FBXO11: variants seen among roughly 807,000 people sequenced by gnomAD.
FBXO11 encodes F-box only protein 11.
A neutral mutation model predicts 117.0 loss-of-function variants in FBXO11; 13 were observed. The observed-to-expected ratio is 0.11, with a 90% CI of 0.07 to 0.18. The LOEUF is 0.18. FBXO11 is among the 10% of genes least tolerant of loss of function. FBXO11 has a pLI of 1.00. For synonymous variants in FBXO11, 490 were observed against 380.5 expected (o/e 1.29, Z -3.35); for missense variants, 767 against 1,164.4 (o/e 0.66, Z 4.97).
intron 19 of FBXO11, chr2:47,810,046 T>C (rs1288859602): frequency 4.0e-6 from 2 of 497,202 alleles, no homozygotes; most frequent in East Asian, 6.7e-5. Context: ...TCTGTATTCC[T>C]AGTGGTAATA....
At chr2:47,900,747 C>G (rs1423503268) in intron 1 of FBXO11, among the ~76,000 whole-genome samples, 1 of 112,438 alleles carries the variant, frequency 8.9e-6, no homozygotes, top group Admixed American at 8.7e-5. Context: ...TATATATACA[C>G]GTATACACAC....
chr2:47,839,094 T>C (rs1672821365), intron 3 of FBXO11, 91 bp from the exon 4 acceptor site: 20 of 422,384 alleles, frequency 4.7e-5, no homozygotes, highest in African/African-American at 2.9e-4. Context: ...AATGAATAGC[T>C]TTTTTTTTTT....
chr2:47,819,805 C>T (rs571153985), intron 14 of FBXO11, among the ~76,000 whole-genome samples: 3 of 152,280 alleles, frequency 2.0e-5, no homozygotes, highest in Admixed American at 6.5e-5. Context: ...ATGTGCATCT[C>T]TAGAACCATA....
intron 1 of FBXO11, among the ~76,000 whole-genome samples, chr2:47,886,074 T>C (rs1676820044): frequency 6.6e-6 from 1 of 151,806 alleles, no homozygotes; most frequent in East Asian, 1.9e-4. Flanking sequence ...TTTGGCAACA[T>C]TTACCAAACT....
chr2:47,839,581 CTTTT>C (rs571472328), intron 2 of FBXO11, 57 bp downstream of exon 2: 196 of 1,604,702 alleles, frequency 1.2e-4, no homozygotes, highest in Middle Eastern at 1.7e-4. Context: ...ATGACATTCC[CTTTT>C]TTGTTTCTTG....
intron 1 of FBXO11, among the ~76,000 whole-genome samples, chr2:47,869,417 T>A (rs906788585): frequency 6.6e-6 from 1 of 152,224 alleles, no homozygotes; most frequent in African/African-American, 2.4e-5. Flanking sequence ...AAGCGGTAAC[T>A]AACTCTACAA....
At position 47,884,851 on chromosome 2, in the gene FBXO11, AATTCAGTAAACAGAAGTTTACT is replaced by A. The variant is rs573081770; in HGVS notation, c.232+20616_232+20637del. On this transcript the variant is annotated intron_variant, in intron 1 of 22. Coordinates refer to ENST00000403359, the MANE Select transcript of FBXO11 (RefSeq NM_001190274.2). Reference sequence around the variant, plus strand: ...GCCAATTACTAACTCTTGTGAATTAAATTCAGTAAACAGAAGTTTACTGTAAAACAGGTTCTTGTTATGCATA... The same window carrying A: ...GCCAATTACTAACTCTTGTGAATTAAGTAAAACAGGTTCTTGTTATGCATA... Among the ~76,000 whole-genome samples the A allele has an allele frequency of 5.3e-3, 814 of 152,330 alleles. 3 individuals are homozygous for A. Among genetic ancestry groups the A allele is most frequent in the Non-Finnish European group, 8.8e-3 (601 of 68,032 alleles).
chr2:47,876,366 A>C (rs6742037), intron 1 of FBXO11, among the ~76,000 whole-genome samples: 65,361 of 151,950 alleles, frequency 0.43, 15,228 homozygotes, highest in African/African-American at 0.63. Flanking sequence ...CCACTGTATT[A>C]TTTTTTGCAA....
At chr2:47,830,320 A>G (rs775427653) in intron 11 of FBXO11, among the ~76,000 whole-genome samples, 10 of 152,176 alleles carry the variant, frequency 6.6e-5, no homozygotes, top group Non-Finnish European at 1.5e-4. Context: ...TTAAAAGGCA[A>G]TGGATAGGGA....
intron 1 of FBXO11, among the ~76,000 whole-genome samples, chr2:47,851,693 G>A (rs1373254145): frequency 2.0e-5 from 3 of 152,098 alleles, no homozygotes; most frequent in Non-Finnish European, 4.4e-5. Context: ...CACACAAATC[G>A]TCATACGCAC....
At chr2:47,842,042 G>A (rs1174622159) in intron 1 of FBXO11, among the ~76,000 whole-genome samples, 1 of 148,710 alleles carries the variant, frequency 6.7e-6, no homozygotes, top group Non-Finnish European at 1.5e-5. Flanking sequence ...TTGAGACAGA[G>A]TCTCGCCCTG....
intron 17 of FBXO11, 122 bp downstream of exon 17, chr2:47,813,669 G>A (rs1282761473): frequency 1.4e-6 from 1 of 731,534 alleles, no homozygotes; most frequent in East Asian, 2.9e-5. Flanking sequence ...CTGACCTCGG[G>A]TGATCCACCC....
At chr2:47,869,772 C>G (rs1169719951) in intron 1 of FBXO11, among the ~76,000 whole-genome samples, 1 of 152,164 alleles carries the variant, frequency 6.6e-6, no homozygotes, top group Non-Finnish European at 1.5e-5. Context: ...TTTTTTGGGG[C>G]AAGGGTTAGT....
At position 47,810,318 on chromosome 2, in the gene FBXO11, G is replaced by A; in HGVS notation, c.2336C>T (p.Ala779Val). The change falls in exon 19 of 23, where the codon GCA becomes GTA. Residue 779 changes from alanine (A) to valine (V), a missense_variant and splice_region_variant. Around this residue, in one of 10 missense-constraint regions of FBXO11, gnomAD observed 66 missense variants for 82.7 expected, o/e 0.80. Transcript: ENST00000403359. ...RKNRIFDGFAAGIEITNHATA... is the reference protein window; with the variant it reads ...RKNRIFDGFAVGIEITNHATA... The stretch of plus-strand genomic sequence containing the variant: ...AGGTAAGAAAAGAAAATACAAACCT[G>A]CGGCAAATCCATCAAATATTCTGTT... 1 of 1,596,130 alleles carries A rather than the reference G, an allele frequency of 6.3e-7. No individual in the cohort carries two copies. The highest frequency in any genetic ancestry group is 1.1e-5 in the South Asian group (1 of 88,866).
chr2:47,834,283 G>C (rs1455579209), intron 7 of FBXO11, among the ~76,000 whole-genome samples: 2 of 152,132 alleles, frequency 1.3e-5, no homozygotes, highest in Non-Finnish European at 2.9e-5. Flanking sequence ...CCAGGAGGCA[G>C]AGGTTACAGT....
intron 11 of FBXO11, among the ~76,000 whole-genome samples, chr2:47,828,565 C>T: frequency 6.6e-6 from 1 of 150,750 alleles, no homozygotes. Flanking sequence ...GCCGCGATTG[C>T]ACCACTGCAC....
chr2:47,825,577 T>C (rs1210063849), intron 11 of FBXO11, among the ~76,000 whole-genome samples: 2 of 144,458 alleles, frequency 1.4e-5, no homozygotes, highest in East Asian at 3.9e-4. Flanking sequence ...TCTTCTTTTT[T>C]TTTTTTTTTT....
chr2:47,817,809 G>A (rs544331076), intron 16 of FBXO11, among the ~76,000 whole-genome samples: 102 of 152,342 alleles, frequency 6.7e-4, no homozygotes, highest in African/African-American at 2.4e-3. Flanking sequence ...GTTATCTTGG[G>A]CGCAGTTAAT....
intron 14 of FBXO11, 40 bp from the exon 15 acceptor site, chr2:47,819,118 T>C (rs1671202521): frequency 1.3e-6 from 2 of 1,598,704 alleles, no homozygotes; most frequent in South Asian, 1.1e-5. Flanking sequence ...TTATCTTCTA[T>C]AAGCAAGGCG....
Sources: allele counts gnomAD v4.1 joint callset (sites outside exome capture counted in the v4.1 genomes callset), GRCh38; gene constraint gnomAD v4.1.1; regional missense constraint gnomAD v4.1.1; transcripts MANE v1.5; gene names NCBI Gene and HGNC (gene_info 2026-07-23, HGNC 2026-07-21).